WWOX: variants seen among roughly 807,000 people sequenced by gnomAD.
WWOX encodes the protein WW domain-containing oxidoreductase.
Under a neutral mutation model 46.2 loss-of-function variants are expected in WWOX, and 69 were observed. That is an observed-to-expected ratio of 1.49 (90% CI 1.23 to 1.82). WWOX has a LOEUF of 1.82. Ranked by LOEUF, WWOX falls within the 40% of genes most tolerant of loss-of-function variation. The probability of loss-of-function intolerance (pLI) is 0.00; values close to 1 mark genes in which losing one functional copy is unlikely to be tolerated. For missense variants in WWOX, 919 were observed against 542.6 expected (o/e 1.69, Z -6.89); for synonymous variants, 359 against 202.6 (o/e 1.77, Z -6.56).
At chr16:78,456,069 A>G (rs1055068591) in intron 8 of WWOX, among the ~76,000 whole-genome samples, 1 of 152,208 alleles carries the variant, frequency 6.6e-6, no homozygotes. Flanking sequence ...TGACGTGGAC[A>G]AGGCTATGTA....
chr16:79,165,231 C>G (rs181042024), intron 8 of WWOX, among the ~76,000 whole-genome samples: 1 of 151,750 alleles, frequency 6.6e-6, no homozygotes. Context: ...ACCTCATATA[C>G]TCATGGTAAC....
At chr16:78,188,141 A>G (rs2035766970) in intron 5 of WWOX, among the ~76,000 whole-genome samples, 1 of 152,198 alleles carries the variant, frequency 6.6e-6, no homozygotes, top group Admixed American at 6.5e-5. Context: ...TATTAAATCA[A>G]TACAGTTATA....
At chr16:78,323,108 T>G (rs2080523886) in intron 5 of WWOX, among the ~76,000 whole-genome samples, 1 of 152,070 alleles carries the variant, frequency 6.6e-6, no homozygotes, top group African/African-American at 2.4e-5. Flanking sequence ...TCTTGTATTT[T>G]TTTTTGTTTG....
chr16:78,218,174 C>T (rs1473062124), intron 5 of WWOX, among the ~76,000 whole-genome samples: 1 of 152,132 alleles, frequency 6.6e-6, no homozygotes, highest in African/African-American at 2.4e-5. Flanking sequence ...CCTGCCTCAG[C>T]CTCCCGAGTA....
chr16:78,752,900 G>T (rs2049521454), intron 8 of WWOX, among the ~76,000 whole-genome samples: 1 of 152,184 alleles, frequency 6.6e-6, no homozygotes, highest in Admixed American at 6.5e-5. Context: ...TCTTGGCTGG[G>T]TGCCACCAGC....
At chr16:78,454,786 C>A (rs999938657) in intron 8 of WWOX, among the ~76,000 whole-genome samples, 41 of 152,176 alleles carry the variant, frequency 2.7e-4, no homozygotes, top group African/African-American at 9.9e-4. Context: ...CTTGAGCCAC[C>A]GTGCCCACCT....
chr16:78,439,269 G>A (rs2083396542), intron 8 of WWOX, among the ~76,000 whole-genome samples: 1 of 152,134 alleles, frequency 6.6e-6, no homozygotes, highest in Non-Finnish European at 1.5e-5. Context: ...TGAATTTTCT[G>A]GTTGCCTTTC....
chr16:78,251,314 A>G (rs2037978321), intron 5 of WWOX, among the ~76,000 whole-genome samples: 1 of 152,188 alleles, frequency 6.6e-6, no homozygotes, highest in South Asian at 2.1e-4. Context: ...AAGGTGCTCA[A>G]TAAATGCTAG....
chr16:78,149,687 C>T (rs2034330506), intron 4 of WWOX, among the ~76,000 whole-genome samples: 1 of 152,138 alleles, frequency 6.6e-6, no homozygotes, highest in South Asian at 2.1e-4. Context: ...ACATGCCAAG[C>T]ATGTACACAT....
At chr16:78,965,460 C>A (rs1022699028) in intron 8 of WWOX, among the ~76,000 whole-genome samples, 4 of 151,862 alleles carry the variant, frequency 2.6e-5, no homozygotes, top group Non-Finnish European at 5.9e-5. Context: ...ATCCCAGCTA[C>A]TTGGGAGGCT....
At chr16:78,475,942 T>G (rs1403473261) in intron 8 of WWOX, among the ~76,000 whole-genome samples, 1 of 152,168 alleles carries the variant, frequency 6.6e-6, no homozygotes, top group Non-Finnish European at 1.5e-5. Context: ...TCTTATTAAT[T>G]TATTATGGTA....
chr16:78,328,775 C>G (rs1434351668), intron 5 of WWOX, among the ~76,000 whole-genome samples: 1 of 152,164 alleles, frequency 6.6e-6, no homozygotes, highest in Non-Finnish European at 1.5e-5. Context: ...CTCAGCACCT[C>G]CAGTTTTTCC....
intron 8 of WWOX, among the ~76,000 whole-genome samples, chr16:78,983,288 C>T (rs755288592): frequency 6.6e-6 from 1 of 152,160 alleles, no homozygotes; most frequent in Non-Finnish European, 1.5e-5. Context: ...GGCCAAGAAG[C>T]TGGCGGGAGA....
chr16:78,879,032 A>C (rs372170401), intron 8 of WWOX, among the ~76,000 whole-genome samples: 2 of 152,192 alleles, frequency 1.3e-5, no homozygotes, highest in South Asian at 2.1e-4. Flanking sequence ...GTGTCACTAC[A>C]CTTCACCCTG....
chr16:78,657,104 C>T (rs1168873555), intron 8 of WWOX, among the ~76,000 whole-genome samples: 1 of 152,182 alleles, frequency 6.6e-6, no homozygotes, highest in African/African-American at 2.4e-5. Flanking sequence ...GCGCAATTCA[C>T]ACACCAGGCT....
chr16:78,203,682 A>G (rs2036304505), intron 5 of WWOX, among the ~76,000 whole-genome samples: 1 of 152,140 alleles, frequency 6.6e-6, no homozygotes, highest in Admixed American at 6.5e-5. Flanking sequence ...GAATTTATGG[A>G]TAGGTGAGAG....
chr16:78,702,012 T>C (rs1293069030), intron 8 of WWOX, among the ~76,000 whole-genome samples: 42 of 99,802 alleles, frequency 4.2e-4, no homozygotes, highest in African/African-American at 2.9e-3. Context: ...TAAAATTATA[T>C]ATATATATAT....
At chr16:79,210,680 A>C (rs1379589937) in intron 8 of WWOX, among the ~76,000 whole-genome samples, 1 of 152,166 alleles carries the variant, frequency 6.6e-6, no homozygotes, top group African/African-American at 2.4e-5. Context: ...CGTGCCGACC[A>C]TGTCTCCCTC....
At chr16:79,073,742 A>G (rs1175307682) in intron 8 of WWOX, among the ~76,000 whole-genome samples, 2 of 152,154 alleles carry the variant, frequency 1.3e-5, no homozygotes, top group East Asian at 3.9e-4. Flanking sequence ...CGTTAGCAGA[A>G]CTGTCGTATC....
Sources: gnomAD v4.1 joint callset for allele counts (sites outside exome capture counted in the v4.1 genomes callset) on GRCh38, gnomAD v4.1.1 for gene constraint, MANE v1.5 for transcripts, NCBI Gene and HGNC (gene_info 2026-07-23, HGNC 2026-07-21) for gene names.